ANO10: variants seen among roughly 807,000 people sequenced by gnomAD.
ANO10 encodes the protein anoctamin 10.
ANO10 carries 77 observed loss-of-function variants against 74.7 expected under a neutral mutation model. That is an observed-to-expected ratio of 1.03 (90% confidence interval 0.86 to 1.25). The LOEUF (loss-of-function observed/expected upper bound fraction) is 1.25, where lower values mean the gene tolerates loss of function less well. Ranked by LOEUF, ANO10 falls within the 50% of genes most tolerant of loss-of-function variation. The pLI, the probability that ANO10 is intolerant of heterozygous loss-of-function variation, is 0.00. For missense variants in ANO10, 721 were observed against 778.1 expected (o/e 0.93, Z 0.87); for synonymous variants, 279 against 284.9 (o/e 0.98, Z 0.21).
chr3:43,649,611 T>A (rs2083765067), intron 1 of ANO10, among the ~76,000 whole-genome samples: 1 of 152,144 alleles, frequency 6.6e-6, no homozygotes. Context: ...GAGTTAGAGA[T>A]CACAGCACAC....
intron 12 of ANO10, among the ~76,000 whole-genome samples, chr3:43,404,876 C>CAA (rs3048939): frequency 0.21 from 16,639 of 81,144 alleles, 2,093 homozygotes; most frequent in African/African-American, 0.31. Flanking sequence ...GAACCTGTCT[C>CAA]AAAAAAAAAA....
chr3:43,680,271 G>A (rs182499715), intron 1 of ANO10, among the ~76,000 whole-genome samples: 249 of 152,304 alleles, frequency 1.6e-3, no homozygotes, highest in African/African-American at 5.5e-3. Flanking sequence ...ACCATGGCAC[G>A]AGAACTATGT....
chr3:43,588,651 A>G (rs2081585949), intron 4 of ANO10, among the ~76,000 whole-genome samples: 1 of 152,166 alleles, frequency 6.6e-6, no homozygotes, highest in Admixed American at 6.5e-5. Context: ...TGATACTGAA[A>G]GGGGCTGAAA....
intron 11 of ANO10, among the ~76,000 whole-genome samples, chr3:43,464,558 T>C (rs934984444): frequency 6.6e-6 from 1 of 152,126 alleles, no homozygotes; most frequent in Non-Finnish European, 1.5e-5. Flanking sequence ...CACATGCCTA[T>C]AGTCCCAGCA....
intron 4 of ANO10, among the ~76,000 whole-genome samples, chr3:43,593,586 C>T (rs1257489004): frequency 6.6e-6 from 1 of 152,140 alleles, no homozygotes; most frequent in African/African-American, 2.4e-5. Flanking sequence ...ACCAGGCCTG[C>T]CCTAAAAGGG....
intron 12 of ANO10, among the ~76,000 whole-genome samples, chr3:43,422,765 T>C (rs983629404): frequency 6.6e-5 from 10 of 152,210 alleles, no homozygotes; most frequent in African/African-American, 2.4e-4. Flanking sequence ...TATTAAGATA[T>C]ATAAATTTTA....
intron 11 of ANO10, among the ~76,000 whole-genome samples, chr3:43,488,483 A>G (rs2076587964): frequency 1.3e-5 from 2 of 151,804 alleles, no homozygotes; most frequent in Non-Finnish European, 2.9e-5. Flanking sequence ...GAAAAAAACA[A>G]ACAACCCCAT....
intron 4 of ANO10, among the ~76,000 whole-genome samples, chr3:43,597,677 G>T (rs893503780): frequency 1.1e-4 from 17 of 151,872 alleles, no homozygotes; most frequent in African/African-American, 3.9e-4. Context: ...TGAGTTAATG[G>T]GTGCAGCACA....
chr3:43,549,856 A>G lies in ANO10; in HGVS notation c.1669-8T>C. On this transcript the variant is annotated splice_region_variant and splice_polypyrimidine_tract_variant and intron_variant, in intron 10 of 12. Transcript: ENST00000292246. ...CATCGTTTCAAAAGCCAACTAAAAG[A>G]AAAAAGAATGGAAATTAAAAATTGC... 6.2e-7 allele frequency: 1 copy of G among 1,613,640 alleles called. No individual in the cohort carries two copies. Among genetic ancestry groups the G allele is most frequent in the Non-Finnish European group, 8.5e-7 (1 of 1,179,676 alleles).
intron 12 of ANO10, among the ~76,000 whole-genome samples, chr3:43,430,212 G>A (rs1415475538): frequency 1.3e-5 from 2 of 151,388 alleles, no homozygotes; most frequent in African/African-American, 4.9e-5. Context: ...TATTGACTTT[G>A]TTATATATGA....
chr3:43,681,495 C>CT (rs921658925), intron 1 of ANO10, among the ~76,000 whole-genome samples: 1 of 151,662 alleles, frequency 6.6e-6, no homozygotes, highest in African/African-American at 2.4e-5. Context: ...CTTTTACACC[C>CT]ACCGTCAACA....
intron 4 of ANO10, among the ~76,000 whole-genome samples, chr3:43,592,500 C>T (rs1209409855): frequency 6.6e-6 from 1 of 152,192 alleles, no homozygotes; most frequent in Non-Finnish European, 1.5e-5. Flanking sequence ...CTGGAGTGGA[C>T]CTCCAGCAAA....
chr3:43,399,764 AG>A (rs1369437446), intron 12 of ANO10, among the ~76,000 whole-genome samples: 1 of 152,180 alleles, frequency 6.6e-6, no homozygotes, highest in Non-Finnish European at 1.5e-5. Flanking sequence ...ACATCAGAAG[AG>A]CCCCCAGGGC....
rs768831597 is a variant in ANO10 at position 43,605,729 on chromosome 3, T to C, written c.124A>G (p.Lys42Glu). The change falls in exon 2 of 13, where the codon AAA (lysine) becomes GAA (glutamate). Residue 42 changes from lysine to glutamate, a missense_variant. Coordinates refer to ENST00000292246, the MANE Select transcript of ANO10 (RefSeq NM_018075.5). ...KEWLKNRIIA[K>E]KKDGGAQLLF... ...TTTTACTCACCTCCATCTTTTTTTT[T>C]AGCTATAATTCTGTTTTTCAGCCAT... The C allele has an allele frequency of 6.2e-7, 1 of 1,613,562 alleles. No individual in the cohort carries two copies. The highest frequency in any genetic ancestry group is 8.5e-7 in the Non-Finnish European group (1 of 1,179,592).
chr3:43,555,527 G>GTATAT, intron 9 of ANO10, 58 bp from the exon 10 acceptor site: 1 of 1,538,398 alleles, frequency 6.5e-7, no homozygotes, highest in South Asian at 1.1e-5. Flanking sequence ...ATATCCTTTT[G>GTATAT]CAATACTAAT....
intron 11 of ANO10, among the ~76,000 whole-genome samples, chr3:43,540,534 C>A (rs976259431): frequency 6.6e-6 from 1 of 152,194 alleles, no homozygotes; most frequent in African/African-American, 2.4e-5. Context: ...AATGATGGCT[C>A]TATTTTAGCA....
At chr3:43,579,252 T>C (rs762260325) in intron 5 of ANO10, among the ~76,000 whole-genome samples, 5 of 152,084 alleles carry the variant, frequency 3.3e-5, no homozygotes, top group Non-Finnish European at 7.4e-5. Context: ...CAAAGAAAAT[T>C]GACAGATCCA....
intron 11 of ANO10, among the ~76,000 whole-genome samples, chr3:43,473,937 A>G (rs541131976): frequency 9.2e-5 from 14 of 152,238 alleles, no homozygotes; most frequent in African/African-American, 3.1e-4. Context: ...CCCAAGTGAC[A>G]ACACAGCTGG....
At chr3:43,532,671 A>G (rs1366898941) in intron 11 of ANO10, among the ~76,000 whole-genome samples, 1 of 152,242 alleles carries the variant, frequency 6.6e-6, no homozygotes, top group Non-Finnish European at 1.5e-5. Context: ...GAACAGTTTC[A>G]TCACCCACCA....
Sources: allele counts gnomAD v4.1 joint callset (sites outside exome capture counted in the v4.1 genomes callset), GRCh38; gene constraint gnomAD v4.1.1; transcripts MANE v1.5; gene names NCBI Gene and HGNC (gene_info 2026-07-23, HGNC 2026-07-21).